Variants in UBE2E2 observed in about 807,000 individuals in gnomAD.
UBE2E2 encodes the protein ubiquitin-conjugating enzyme E2 E2.
A neutral mutation model predicts 24.7 loss-of-function variants in UBE2E2; 6 were observed. The observed-to-expected ratio is 0.24, with a 90% CI of 0.13 to 0.48. The LOEUF (loss-of-function observed/expected upper bound fraction) is 0.48. UBE2E2 is among the 20% of genes least tolerant of loss of function. The pLI is 0.99. For missense variants in UBE2E2, 169 were observed against 245.0 expected (o/e 0.69, Z 2.07); for synonymous variants, 104 against 83.6 (o/e 1.24, Z -1.33).
intron 5 of UBE2E2, among the ~76,000 whole-genome samples, chr3:23,559,372 C>T (rs1049804794): frequency 3.3e-5 from 5 of 152,102 alleles, no homozygotes; most frequent in African/African-American, 7.2e-5. Context: ...CAACCTTAAC[C>T]GTGACCTATC....
At chr3:23,315,154 A>C (rs1694535275) in intron 3 of UBE2E2, among the ~76,000 whole-genome samples, 1 of 152,096 alleles carries the variant, frequency 6.6e-6, no homozygotes, top group African/African-American at 2.4e-5. Flanking sequence ...CTGAGCTGGC[A>C]TCAAAACCAC....
intron 3 of UBE2E2, among the ~76,000 whole-genome samples, chr3:23,463,195 C>A (rs1032443016): frequency 2.6e-5 from 4 of 151,692 alleles, no homozygotes; most frequent in East Asian, 1.9e-4. Context: ...AACATTAATT[C>A]TTTCAGAGTA....
rs539710575 is a variant in UBE2E2 at position 23,215,186 on chromosome 3, T to C, written c.177-2076T>C. On this transcript the variant is annotated intron_variant, in intron 2 of 5. Coordinates refer to ENST00000396703, the MANE Select transcript of UBE2E2 (RefSeq NM_152653.4). ...GGGATAATATCTTCTCCATCCACTTTTAGCTGGTTTATATTAGCTACACTT... is the reference window on the plus strand; with the variant it reads ...GGGATAATATCTTCTCCATCCACTTCTAGCTGGTTTATATTAGCTACACTT... Among the ~76,000 whole-genome samples, 16 of 152,316 alleles carry C rather than the reference T, an allele frequency of 1.1e-4. No individual in the cohort carries two copies. The South Asian group carries it at 2.1e-3, about 20-fold the overall frequency.
chr3:23,446,164 G>T (rs1450702049), intron 3 of UBE2E2, among the ~76,000 whole-genome samples: 1 of 152,088 alleles, frequency 6.6e-6, no homozygotes, highest in South Asian at 2.1e-4. Context: ...GGATCAAAAC[G>T]GTGTTAAAAG....
intron 5 of UBE2E2, among the ~76,000 whole-genome samples, chr3:23,550,032 C>CAAA (rs35163126): frequency 0.038 from 3,673 of 96,272 alleles, 78 homozygotes; most frequent in East Asian, 0.16. Flanking sequence ...GACTCCATCT[C>CAAA]AAAAAAAAAA....
At chr3:23,491,838 T>C (rs1699503649) in intron 3 of UBE2E2, among the ~76,000 whole-genome samples, 1 of 152,170 alleles carries the variant, frequency 6.6e-6, no homozygotes, top group South Asian at 2.1e-4. Flanking sequence ...AGGGAAACCA[T>C]GCAAGATGCT....
At chr3:23,313,583 C>A (rs1694476690) in intron 3 of UBE2E2, among the ~76,000 whole-genome samples, 1 of 151,870 alleles carries the variant, frequency 6.6e-6, no homozygotes, top group Non-Finnish European at 1.5e-5. Flanking sequence ...CGGGGTTTCA[C>A]CATGTTGGCC....
chr3:23,295,516 A>G (rs971865851), intron 3 of UBE2E2, among the ~76,000 whole-genome samples: 8 of 152,208 alleles, frequency 5.3e-5, no homozygotes, highest in African/African-American at 1.9e-4. Context: ...TTTGAGTTCA[A>G]CTTACTATCA....
chr3:23,401,745 A>G lies in UBE2E2; in HGVS notation c.228-97863A>G, dbSNP rs567759054. On this transcript the variant is annotated intron_variant, in intron 3 of 5. Transcript: ENST00000396703. Reference sequence around the variant, plus strand: ...GCCTAGGCTGTAGTCCAGTGGCCCTATTTTGGCTCACTGCAACCTCTGCCT... The same window carrying G: ...GCCTAGGCTGTAGTCCAGTGGCCCTGTTTTGGCTCACTGCAACCTCTGCCT... Among the ~76,000 whole-genome samples the G allele has an allele frequency of 6.0e-5, 9 of 150,048 alleles. No homozygotes were observed. The South Asian group carries it at 1.7e-3, about 28-fold the overall frequency.
rs1698935446 is a variant in UBE2E2, at chr3:23,297,172, T to C, written c.227+79860T>C. 2.0e-5 allele frequency among the ~76,000 whole-genome samples: 3 copies of C among 152,214 alleles called. No homozygotes were observed. In the South Asian group the frequency reaches 6.2e-4, roughly 31 times the overall value. On this transcript the variant is annotated intron_variant, in intron 3 of 5. Transcript: ENST00000396703. ...GATGGGGTTGTTTGTTTTTTTCTTG[T>C]AAATTTGTTTGAGATCATTGTAGAT...
At chr3:23,292,026 T>A (rs1481376550) in intron 3 of UBE2E2, among the ~76,000 whole-genome samples, 1 of 151,878 alleles carries the variant, frequency 6.6e-6, no homozygotes, top group Non-Finnish European at 1.5e-5. Flanking sequence ...ACCCGGCTAA[T>A]TTTTTGTATT....
chr3:23,582,860 AGTGTGTGTGTGTGTGTGT>A (rs58053821), intron 5 of UBE2E2, among the ~76,000 whole-genome samples: 130 of 116,800 alleles, frequency 1.1e-3, no homozygotes, highest in Non-Finnish European at 1.3e-3. Context: ...TATTCTGTTG[AGTGTGTGTGTGTGTGTGT>A]GTGTGTGTGT....
At chr3:23,265,166 T>C (rs1365635177) in intron 3 of UBE2E2, among the ~76,000 whole-genome samples, 3 of 152,138 alleles carry the variant, frequency 2.0e-5, no homozygotes, top group Non-Finnish European at 2.9e-5. Flanking sequence ...GATTATATGC[T>C]ATGAAGAAGG....
chr3:23,233,607 C>G (rs1697026032), intron 3 of UBE2E2, among the ~76,000 whole-genome samples: 1 of 152,022 alleles, frequency 6.6e-6, no homozygotes, highest in African/African-American at 2.4e-5. Context: ...CTGGGACTAC[C>G]CACATGGCTT....
intron 3 of UBE2E2, among the ~76,000 whole-genome samples, chr3:23,498,246 T>C (rs2125454829): frequency 6.6e-6 from 1 of 152,294 alleles, no homozygotes; most frequent in East Asian, 1.9e-4. Context: ...AACTCTAATA[T>C]TTTGACTTTT....
At chr3:23,495,299 T>C (rs1037952418) in intron 3 of UBE2E2, among the ~76,000 whole-genome samples, 9 of 152,194 alleles carry the variant, frequency 5.9e-5, no homozygotes, top group African/African-American at 2.2e-4. Flanking sequence ...TGAGTTTATG[T>C]TATCTGCAGA....
intron 5 of UBE2E2, among the ~76,000 whole-genome samples, chr3:23,581,426 G>C (rs1388747029): frequency 6.6e-6 from 1 of 152,182 alleles, no homozygotes; most frequent in African/African-American, 2.4e-5. Flanking sequence ...TATCTGAAGA[G>C]AATGTCTTTA....
chr3:23,223,489 C>T (rs996928085), intron 3 of UBE2E2, among the ~76,000 whole-genome samples: 2 of 151,920 alleles, frequency 1.3e-5, no homozygotes, highest in African/African-American at 4.8e-5. Flanking sequence ...TGCGCTTGGC[C>T]CTTTTGCCTG....
chr3:23,375,323 A>G (rs1327322997), intron 3 of UBE2E2, among the ~76,000 whole-genome samples: 1 of 152,224 alleles, frequency 6.6e-6, no homozygotes, highest in African/African-American at 2.4e-5. Context: ...TTTATAAACT[A>G]GTAAATCACT....
Sources: allele counts gnomAD v4.1 joint callset (sites outside exome capture counted in the v4.1 genomes callset), GRCh38; gene constraint gnomAD v4.1.1; transcripts MANE v1.5; gene names NCBI Gene and HGNC (gene_info 2026-07-23, HGNC 2026-07-21).